MUC3A: variants seen among roughly 807,000 people sequenced by gnomAD.
The protein encoded by MUC3A is mucin-3A.
In MUC3A, 109 loss-of-function variants were observed where a neutral mutation model predicts 109.0. The observed-to-expected ratio is 1.00, with a 90% confidence interval of 0.86 to 1.17. MUC3A has a LOEUF of 1.17. Among genes scored for constraint, MUC3A ranks in the 50% most tolerant of loss-of-function variants. The probability of loss-of-function intolerance (pLI) is 0.00; values close to 1 mark genes in which losing one functional copy is unlikely to be tolerated. For missense variants in MUC3A, 3,537 were observed against 2,469.4 expected, an observed-to-expected ratio of 1.43 and a Z score of -9.16; for synonymous variants, 1,398 against 981.4, an observed-to-expected ratio of 1.42 and a Z score of -7.93.
At position 100,965,688 on chromosome 7, in the gene MUC3A, C is replaced by T; in HGVS notation, c.9449-16C>T. On this transcript the variant is annotated splice_polypyrimidine_tract_variant and intron_variant, in intron 7 of 11. Coordinates refer to ENST00000379458, the MANE Select transcript of MUC3A (RefSeq NM_005960.2). Reference sequence around the variant, plus strand: ...TGAGGTCCTTGTCTCTGTGCATCCCCCTCCCCAACCCCCAGCCATCTGCCG... The same window carrying T: ...TGAGGTCCTTGTCTCTGTGCATCCCTCTCCCCAACCCCCAGCCATCTGCCG... The T allele has an allele frequency of 6.3e-7, 1 of 1,593,730 alleles. No individual in the cohort carries two copies. The highest frequency in any genetic ancestry group is 8.5e-7 in the Non-Finnish European group (1 of 1,176,992).
At chr7:100,965,167 G>C in intron 6 of MUC3A, 115 bp from the exon 7 acceptor site, 1 of 1,468,142 alleles carries the variant, frequency 6.8e-7, no homozygotes, top group Non-Finnish European at 9.2e-7. Flanking sequence ...GGCTCTCCCA[G>C]ACGGAGAGAG....
chr7:100,963,187 T>C lies in MUC3A; in HGVS notation c.9089T>C (p.Val3030Ala). 1 of 1,593,674 alleles carries C rather than the reference T, an allele frequency of 6.3e-7. No individual in the cohort carries two copies. The highest frequency in any genetic ancestry group is 8.5e-7 in the Non-Finnish European group (1 of 1,177,446). The change falls in exon 4 of 12, where the codon GTG (valine) becomes GCG (alanine). Residue 3030 changes from valine (V) to alanine (A), a missense_variant. Coordinates refer to ENST00000379458, the MANE Select transcript of MUC3A (RefSeq NM_005960.2). Reference protein sequence around the residue: ...VETEVGMEVSVDQQFSPDLND... With the variant: ...VETEVGMEVSADQQFSPDLND... ...ACCGAGGTGGGCATGGAAGTGTCTG[T>C]GGATCAGCAGTTCTCGCCGGACCTC...
rs1271840529 is a variant in MUC3A, at chr7:100,959,624, T to A, written c.7845T>A (p.Thr2615=). 1 of 1,598,348 alleles carries A rather than the reference T, an allele frequency of 6.3e-7. No individual in the cohort carries two copies. The highest frequency in any genetic ancestry group is 1.3e-5 in the African/African-American group (1 of 74,960). The change falls in exon 2 of 12, where the codon ACT becomes ACA. Residue 2615 remains threonine (T), a synonymous_variant. Transcript: ENST00000379458. ...CCACGTCCACTCTTCATACTCTTAC[T>A]CCATCAACAGCCTTGAGCACGATCG... ...DSSTSTLHTL[T]PSTALSTIVS...
chr7:100,962,354 G>T (rs549910072), intron 3 of MUC3A, among the ~76,000 whole-genome samples: 1 of 152,392 alleles, frequency 6.6e-6, no homozygotes, highest in African/African-American at 2.4e-5. Flanking sequence ...GGAGTTCAAG[G>T]CTGCAGTGAG....
rs1792029081 is a variant in MUC3A at position 100,953,650 on chromosome 7, C to G, written c.1871C>G (p.Ser624Cys). ...PTPTTDMSTE[S>C]LTTAMTSPPI... ...CCTACAACTGACATGTCCACAGAAT[C>G]TCTCACAACAGCCATGACTTCTCCT... Residue 624 changes from serine (S) to cysteine (C), a missense_variant, in exon 2 of 12, where the codon TCT becomes TGT. Physicochemically the swap from Ser to Cys is moderately radical, Grantham distance 112. Coordinates refer to ENST00000379458, the MANE Select transcript of MUC3A (RefSeq NM_005960.2). 5 of 424,604 alleles carry G rather than the reference C, an allele frequency of 1.2e-5. No individual in the cohort carries two copies. The Admixed American group carries it at 1.6e-4, about 14-fold the overall frequency. 26.3% of individuals were successfully genotyped at this position (424,604 alleles called of 1,614,324 possible).
chr7:100,963,083 T>A, intron 3 of MUC3A, 68 bp from the exon 4 acceptor site: 1 of 1,535,616 alleles, frequency 6.5e-7, no homozygotes, highest in East Asian at 2.4e-5. Flanking sequence ...TGGGTTGGGG[T>A]GGTGGTGTTG....
chr7:100,963,228 C>G lies in MUC3A; in HGVS notation c.9130C>G (p.Gln3044Glu). 1 of 1,598,270 alleles carries G rather than the reference C, an allele frequency of 6.3e-7. No homozygotes were observed. Among genetic ancestry groups the G allele is most frequent in the South Asian group, 1.1e-5 (1 of 91,000 alleles). The part of the protein sequence containing the change: ...FSPDLNDNTS[Q>E]AYRDFNKTFW... ...GCCGGACCTCAATGACAACACTTCC[C>G]AGGCCTACAGGGATTTCAACAAGAC... Residue 3044 changes from glutamine (Q) to glutamate (E), a missense_variant, in exon 4 of 12, where the codon CAG becomes GAG. Physicochemically the swap from Gln to Glu is conservative, Grantham distance 29. Coordinates refer to ENST00000379458, the MANE Select transcript of MUC3A (RefSeq NM_005960.2).
In MUC3A at chr7:100,966,437, C is replaced by A; in HGVS notation, c.9663C>A (p.Ala3221=). The A allele has an allele frequency of 1.5e-6, 2 of 1,349,210 alleles. No homozygotes were observed. The highest frequency in any genetic ancestry group is 1.9e-6 in the Non-Finnish European group (2 of 1,057,914). The allele number at this position is 1,349,210 out of a possible 1,614,324, so 83.6% of individuals were successfully genotyped here. ...TCTCTGGCCCGCGCTGCGAGGTGGC[C>A]GTCCACTGGAGGGCGCTGGTCGGGG... ...HWFSGPRCEV[A]VHWRALVGGL... Residue 3221 remains alanine, a synonymous_variant, in exon 9 of 12, where the codon GCC becomes GCA. Coordinates refer to ENST00000379458, the MANE Select transcript of MUC3A (RefSeq NM_005960.2).
chr7:100,955,110 A>T lies in MUC3A; in HGVS notation c.3331A>T (p.Thr1111Ser). The change falls in exon 2 of 12, where the codon ACA becomes TCA. Residue 1111 changes from threonine to serine, a missense_variant. Transcript: ENST00000379458. ...EITYSTSITG[T>S]LSTATTLPPT... ...CACCTATTCCACAAGTATAACAGGT[A>T]CATTGTCCACTGCCACTACTCTCCC... 1.6e-6 allele frequency: 1 copy of T among 619,506 alleles called. No individual in the cohort carries two copies. Among genetic ancestry groups the T allele is most frequent in the Non-Finnish European group, 2.9e-6 (1 of 347,066 alleles). The allele number at this position is 619,506 out of a possible 1,614,324, so 38.4% of individuals were successfully genotyped here. A position where few individuals can be genotyped will look rare whatever the true frequency, so the allele number is the denominator to read the frequency against.
intron 7 of MUC3A, 126 bp from the exon 8 acceptor site, chr7:100,965,578 C>A: frequency 6.7e-7 from 1 of 1,488,382 alleles, no homozygotes; most frequent in Non-Finnish European, 8.9e-7. Flanking sequence ...ATCCCAGGGT[C>A]TACCCCACAG....
chr7:100,963,826 T>G lies in MUC3A; in HGVS notation c.9233+74T>G, dbSNP rs552877641. On this transcript the variant is annotated intron_variant, in intron 5 of 11. Coordinates refer to ENST00000379458, the MANE Select transcript of MUC3A (RefSeq NM_005960.2). ...GTGCGCACACAAAAAACCCATTCCT[T>G]TCTTTTGTAATCATCAGATTTTATA... 141 of 1,582,892 alleles carry G rather than the reference T, an allele frequency of 8.9e-5. No homozygotes were observed. In the East Asian group the frequency reaches 3.1e-3, roughly 35 times the overall value.
In MUC3A at chr7:100,949,734, G is replaced by A. The variant is rs1166218747; in HGVS notation, c.61+49G>A. On this transcript the variant is annotated intron_variant, in intron 1 of 11. Coordinates refer to ENST00000379458, the MANE Select transcript of MUC3A (RefSeq NM_005960.2). ...GTTGGAGAAAAGCTCCTGATGTGATGTTCCAGGAAAGGGGAGGGAAAAGTG... is the reference window on the plus strand; with the variant it reads ...GTTGGAGAAAAGCTCCTGATGTGATATTCCAGGAAAGGGGAGGGAAAAGTG... 3 of 1,459,634 alleles carry A rather than the reference G, an allele frequency of 2.1e-6. No individual in the cohort carries two copies. The Middle Eastern group carries it at 5.8e-4, about 284-fold the overall frequency. The allele number at this position is 1,459,634 out of a possible 1,614,324, so 90.4% of individuals were successfully genotyped here.
Position 100,963,679 on chromosome 7 carries a change from G to T in MUC3A, c.9169-9G>T. ...TCGGACGTGAGCCCAGGGATCCTTG[G>T]TGTTTCAGATGCAGAAGATTTTTGC... On this transcript the variant is annotated splice_polypyrimidine_tract_variant and intron_variant, in intron 4 of 11. Transcript: ENST00000379458. 1 of 1,598,460 alleles carries T rather than the reference G, an allele frequency of 6.3e-7. No homozygotes were observed. The highest frequency in any genetic ancestry group is 1.1e-5 in the South Asian group (1 of 91,084).
Position 100,966,530 on chromosome 7 carries a change from C to T in MUC3A, c.9756C>T (p.Ser3252=), listed in dbSNP as rs1378960667. The part of the protein sequence containing the change: ...LLALGVRAVR[S]GWWGGQRRGR... ...CGCTGGGCGTCCGGGCGGTGCGCTC[C>T]GGATGGTGGGGCGGCCAGCGCCGAG... is the stretch of plus-strand genomic sequence containing the variant. The change falls in exon 9 of 12, where the codon TCC becomes TCT. Residue 3252 remains serine (S), a synonymous_variant. Transcript: ENST00000379458. 13 of 1,349,512 alleles carry T rather than the reference C, an allele frequency of 9.6e-6. No homozygotes were observed. Among genetic ancestry groups the T allele is most frequent in the Non-Finnish European group, 1.1e-5 (12 of 1,062,142 alleles). 83.6% of individuals were successfully genotyped at this position (1,349,512 alleles called of 1,614,324 possible).
chr7:100,966,818 T>C lies in MUC3A; in HGVS notation c.9877+75T>C, dbSNP rs1792588700. The C allele has an allele frequency of 2.5e-6, 4 of 1,598,422 alleles. No homozygotes were observed. The South Asian group carries it at 3.3e-5, about 13-fold the overall frequency. On this transcript the variant is annotated intron_variant, in intron 10 of 11. Coordinates refer to ENST00000379458, the MANE Select transcript of MUC3A (RefSeq NM_005960.2). Reference sequence around the variant, plus strand: ...TGCGAGGACAGACGCCCTCCCTGCCTTCCTCGCATTTACTCCGTCCCCCTC... The same window carrying C: ...TGCGAGGACAGACGCCCTCCCTGCCCTCCTCGCATTTACTCCGTCCCCCTC...
In MUC3A at chr7:100,967,472, C is replaced by G; in HGVS notation, c.*310C>G. 1.7e-6 allele frequency: 1 copy of G among 577,478 alleles called. No homozygotes were observed. The highest frequency in any genetic ancestry group is 3.1e-6 in the Non-Finnish European group (1 of 325,048). The allele number at this position is 577,478 out of a possible 1,614,324, so 35.8% of individuals were successfully genotyped here. On this transcript the variant is annotated 3_prime_UTR_variant, in exon 12 of 12. Coordinates refer to ENST00000379458, the MANE Select transcript of MUC3A (RefSeq NM_005960.2). ...ATAGCTCACGCCGTTGTTGTGAAAA[C>G]CACATAGACTTGGTCAATTCTCGGT...
rs1273739529 is a variant in MUC3A, at chr7:100,952,510, C to G, written c.731C>G (p.Pro244Arg). 2 of 1,598,366 alleles carry G rather than the reference C, an allele frequency of 1.3e-6. No homozygotes were observed. Among genetic ancestry groups the G allele is most frequent in the Non-Finnish European group, 1.7e-6 (2 of 1,179,752 alleles). Residue 244 changes from proline to arginine, a missense_variant, in exon 2 of 12, where the codon CCA (proline) becomes CGA (arginine). By Grantham distance (103) the Pro-to-Arg change is moderately radical (BLOSUM62 -2). Coordinates refer to ENST00000379458, the MANE Select transcript of MUC3A (RefSeq NM_005960.2). ...ATCCATACAACCACGTCCCCAACCC[C>G]AGTATTTACTACTCTCAAAACAGCA... ...GSIHTTTSPT[P>R]VFTTLKTAVT...
In MUC3A at chr7:100,956,273, C is replaced by G; in HGVS notation, c.4494C>G (p.Thr1498=). Residue 1498 remains threonine, a synonymous_variant, in exon 2 of 12, where the codon ACC becomes ACG. Coordinates refer to ENST00000379458, the MANE Select transcript of MUC3A (RefSeq NM_005960.2). ...TSSTATSLPP[T]SSLVSTAETA... ...CTACTGCCACCTCTCTTCCACCCAC[C>G]TCTTCCTTGGTCTCAACCGCAGAAA... The G allele has an allele frequency of 3.6e-6, 2 of 549,156 alleles. No homozygotes were observed. 34.0% of individuals were successfully genotyped at this position (549,156 alleles called of 1,614,324 possible).
At chr7:100,964,166 G>T in intron 5 of MUC3A, 2 of 314,060 alleles carry the variant, frequency 6.4e-6, no homozygotes, top group East Asian at 7.3e-5. Flanking sequence ...GCCAGATGTG[G>T]TGGCTCACAC....
Sources: allele counts gnomAD v4.1 joint callset (sites outside exome capture counted in the v4.1 genomes callset), GRCh38; gene constraint gnomAD v4.1.1; transcripts MANE v1.5; gene names NCBI Gene and HGNC (gene_info 2026-07-23, HGNC 2026-07-21).